The following PPP1R3F variants were observed in gnomAD, a reference collection of about 807,000 sequenced individuals.
PPP1R3F encodes protein phosphatase 1, regulatory (inhibitor) subunit 3F.
PPP1R3F carries 29 observed loss-of-function variants against 24.2 expected under a neutral mutation model. That is an observed-to-expected ratio of 1.20 (90% CI 0.89 to 1.63). The LOEUF (loss-of-function observed/expected upper bound fraction) is 1.63, where lower values mean the gene tolerates loss of function less well. PPP1R3F is among the 40% of genes most tolerant of loss of function. The probability of loss-of-function intolerance (pLI) is 0.00; values close to 1 mark genes in which losing one functional copy is unlikely to be tolerated. For missense variants in PPP1R3F, 823 were observed against 729.3 expected, an observed-to-expected ratio of 1.13 and a Z score of -1.48; for synonymous variants, 363 against 340.1, an observed-to-expected ratio of 1.07 and a Z score of -0.74.
chrX:49,279,015 C>T (rs960962287), intron 1 of PPP1R3F, among the ~76,000 whole-genome samples: 1 of 112,366 alleles, frequency 8.9e-6, no homozygotes, highest in East Asian at 2.8e-4. Context: ...CTGTTTTATC[C>T]TCTGTAAAAT....
At chrX:49,293,085 G>C (rs2066313601), downstream of PPP1R3F, among the ~76,000 whole-genome samples, 2 of 111,214 alleles carry the variant, frequency 1.8e-5, no homozygotes, top group Admixed American at 9.5e-5. Context: ...TAGTGTTCTG[G>C]GGTGGCCAGC....
At chrX:49,271,869 G>A (rs2066182326) in intron 1 of PPP1R3F, among the ~76,000 whole-genome samples, 1 of 112,236 alleles carries the variant, frequency 8.9e-6, no homozygotes, top group Non-Finnish European at 1.9e-5. Context: ...GGGACAGGGA[G>A]AAATAATCAG....
Position 49,287,383 on chromosome X carries a change from G to C in PPP1R3F, c.*293G>C. 1 of 297,689 alleles carries C rather than the reference G, an allele frequency of 3.4e-6. No individual in the cohort carries two copies. The highest frequency in any genetic ancestry group is 5.8e-6 in the Non-Finnish European group (1 of 171,702). The allele number at this position is 297,689 out of a possible 1,213,427, so 24.5% of individuals were successfully genotyped here. ...GGATGAGGGAGAGTGGTCGTGAGCT[G>C]GTCTTGGGGCACAATTACCCAGAGA... On this transcript the variant is annotated 3_prime_UTR_variant, in exon 4 of 4. Transcript: ENST00000055335.
In PPP1R3F at chrX:49,286,236, A is replaced by G. The variant is rs1185247047; in HGVS notation, c.1546A>G (p.Thr516Ala). The change falls in exon 4 of 4, where the codon ACA becomes GCA. Residue 516 changes from threonine (T) to alanine (A), a missense_variant. By Grantham distance (58) the Thr-to-Ala change is moderately conservative. Coordinates refer to ENST00000055335, the MANE Select transcript of PPP1R3F (RefSeq NM_033215.5). Reference protein sequence around the residue: ...GGAGGGGEGSTDGGMSPSHPL... With the variant: ...GGAGGGGEGSADGGMSPSHPL... Reference sequence around the variant, plus strand: ...GGCAGGGGGTGGTGGGGAGGGCTCCACAGATGGAGGGATGTCCCCCAGCCA... The same window carrying G: ...GGCAGGGGGTGGTGGGGAGGGCTCCGCAGATGGAGGGATGTCCCCCAGCCA... The G allele has an allele frequency of 5.8e-6, 7 of 1,208,536 alleles. No individual in the cohort carries two copies. In the Admixed American group the frequency reaches 8.7e-5, roughly 15 times the overall value.
In PPP1R3F at chrX:49,287,287, A is replaced by G; in HGVS notation, c.*197A>G. 2.3e-6 allele frequency: 1 copy of G among 427,374 alleles called. No individual in the cohort carries two copies. The highest frequency in any genetic ancestry group is 4.0e-6 in the Non-Finnish European group (1 of 250,411). The allele number at this position is 427,374 out of a possible 1,213,427, so 35.2% of individuals were successfully genotyped here. ...CGGGTAGATGGTGTGAGTGAGGGGA[A>G]CTTTTAGAGTGGAACTGGGCATGTC... On this transcript the variant is annotated 3_prime_UTR_variant, in exon 4 of 4. Coordinates refer to ENST00000055335, the MANE Select transcript of PPP1R3F (RefSeq NM_033215.5).
rs782810558 is a variant in PPP1R3F at position 49,286,015 on chromosome X, G to A, written c.1325G>A (p.Gly442Glu). The change falls in exon 4 of 4, where the codon GGG becomes GAG. Residue 442 changes from glycine to glutamate, a missense_variant. By Grantham distance (98) the Gly-to-Glu change is moderately conservative. Transcript: ENST00000055335. ...DQASGPDASEGATGPFLEPSQ... is the reference protein window; with the variant it reads ...DQASGPDASEEATGPFLEPSQ... ...GCCTCAGGGCCCGATGCGAGCGAGGGGGCCACCGGGCCTTTCCTGGAGCCC... is the reference window on the plus strand; with the variant it reads ...GCCTCAGGGCCCGATGCGAGCGAGGAGGCCACCGGGCCTTTCCTGGAGCCC... The A allele has an allele frequency of 8.5e-7, 1 of 1,175,400 alleles. No individual in the cohort carries two copies. Among genetic ancestry groups the A allele is most frequent in the South Asian group, 1.9e-5 (1 of 52,128 alleles).
At position 49,270,508 on chromosome X, in the gene PPP1R3F, A is replaced by C; in HGVS notation, c.639A>C (p.Ala213=). The part of the protein sequence containing the change: ...PPWAGAGGTG[A]GDPILDPGLG... ...GGGCAGGAGCGGGAGGAACAGGAGC[A>C]GGAGATCCCATCCTGGATCCGGGGC... The change falls in exon 1 of 4, where the codon GCA becomes GCC. Residue 213 remains alanine (A), a synonymous_variant. Transcript: ENST00000055335. 1 of 1,206,133 alleles carries C rather than the reference A, an allele frequency of 8.3e-7. No individual in the cohort carries two copies. The highest frequency in any genetic ancestry group is 1.1e-6 in the Non-Finnish European group (1 of 894,995).
chrX:49,286,720 T>A lies in PPP1R3F; in HGVS notation c.2030T>A (p.Val677Asp), dbSNP rs1200573245. The part of the protein sequence containing the change: ...GEAGTEAQIE[V>D]TSEWAGSLDP... ...GCCGGGACAGAAGCCCAGATAGAGG[T>A]CACCAGTGAGTGGGCAGGCAGCTTG... Residue 677 changes from valine to aspartate, a missense_variant, in exon 4 of 4, where the codon GTC becomes GAC. Physicochemically the swap from Val to Asp is radical, Grantham distance 152. Transcript: ENST00000055335. 8.3e-7 allele frequency: 1 copy of A among 1,205,325 alleles called. No homozygotes were observed. Among genetic ancestry groups the A allele is most frequent in the Non-Finnish European group, 1.1e-6 (1 of 892,593 alleles).
intron 1 of PPP1R3F, among the ~76,000 whole-genome samples, chrX:49,279,767 C>T (rs1203325837): frequency 1.8e-5 from 2 of 112,792 alleles, no homozygotes; most frequent in African/African-American, 3.2e-5. Context: ...GGCATTCGCC[C>T]CAGCTCCTCT....
downstream of PPP1R3F, among the ~76,000 whole-genome samples, chrX:49,290,148 C>T (rs2066304532): frequency 8.9e-6 from 1 of 111,792 alleles, no homozygotes; most frequent in Non-Finnish European, 1.9e-5. Context: ...AAGCAGAGTG[C>T]AGTGGGAAGT....
intron 3 of PPP1R3F, among the ~76,000 whole-genome samples, chrX:49,297,185 T>TTTTATTTATTTATTTA (rs200480890): frequency 1.1e-5 from 1 of 94,043 alleles, no homozygotes; most frequent in Admixed American, 1.2e-4. Flanking sequence ...CTTGCTTTAT[T>TTTTATTTATTTATTTA]TTTATTTATT....
intron 1 of PPP1R3F, chrX:49,275,176 CGTAA>C (rs1368968363): frequency 2.7e-5 from 3 of 111,436 alleles, no homozygotes; most frequent in Non-Finnish European, 5.6e-5. Context: ...TGCTCACCCC[CGTAA>C]GTGTTAGCCC....
intron 3 of PPP1R3F, among the ~76,000 whole-genome samples, chrX:49,282,663 C>T (rs1017202110): frequency 1.4e-4 from 15 of 108,409 alleles, no homozygotes; most frequent in African/African-American, 4.4e-4. Flanking sequence ...CCATGACTAA[C>T]GTGTGTGAGG....
intron 3 of PPP1R3F, among the ~76,000 whole-genome samples, chrX:49,283,871 T>G (rs1318772080): frequency 1.8e-5 from 2 of 111,624 alleles, no homozygotes; most frequent in Non-Finnish European, 3.8e-5. Flanking sequence ...TAACTAGAAT[T>G]AACTCTATTT....
intron 1 of PPP1R3F, among the ~76,000 whole-genome samples, chrX:49,272,612 G>A (rs1202671391): frequency 3.5e-5 from 4 of 112,889 alleles, no homozygotes; most frequent in Non-Finnish European, 5.6e-5. Flanking sequence ...CCTTGCCTCC[G>A]TTTCCTTCTC....
chrX:49,282,413 TAGAA>T (rs782039333), intron 3 of PPP1R3F, among the ~76,000 whole-genome samples: 9 of 101,796 alleles, frequency 8.8e-5, no homozygotes, highest in East Asian at 3.1e-4. Context: ...TAAGGAAAAA[TAGAA>T]AGGAATAGGG....
At chrX:49,285,126 G>A (rs1278795702) in intron 3 of PPP1R3F, among the ~76,000 whole-genome samples, 1 of 110,942 alleles carries the variant, frequency 9.0e-6, no homozygotes, top group African/African-American at 3.3e-5. Context: ...GGCATGCATT[G>A]TGTAATAATC....
At chrX:49,289,941 C>T (rs782007467), downstream of PPP1R3F, among the ~76,000 whole-genome samples, 31 of 110,674 alleles carry the variant, frequency 2.8e-4, no homozygotes, top group Admixed American at 1.6e-3. Flanking sequence ...TGGTGGTGGG[C>T]GCCTGTAATC....
intron 3 of PPP1R3F, among the ~76,000 whole-genome samples, chrX:49,283,398 G>A (rs971050543): frequency 3.6e-5 from 4 of 110,795 alleles, no homozygotes; most frequent in African/African-American, 9.9e-5. Flanking sequence ...TAGTAGAGAC[G>A]GGATCCGTTG....
Sources: gnomAD v4.1 joint callset for allele counts (sites outside exome capture counted in the v4.1 genomes callset) on GRCh38, gnomAD v4.1.1 for gene constraint, MANE v1.5 for transcripts, NCBI Gene and HGNC (gene_info 2026-07-23, HGNC 2026-07-21) for gene names.